Variants in GPC5 observed in about 807,000 individuals in gnomAD.
GPC5 encodes glypican 5.
In GPC5, 47 loss-of-function variants were observed where a neutral mutation model predicts 53.9. That is an observed-to-expected ratio of 0.87 (90% CI 0.69 to 1.11). GPC5 has a LOEUF of 1.11. Ranked by LOEUF, GPC5 falls within the 50% of genes most tolerant of loss-of-function variation. The pLI is 0.00. For synonymous variants in GPC5, 286 were observed against 263.3 expected (o/e 1.09, Z -0.84); for missense variants, 748 against 713.1 (o/e 1.05, Z -0.56).
At chr13:91,570,864 T>G (rs1037227316) in intron 2 of GPC5, among the ~76,000 whole-genome samples, 2 of 152,194 alleles carry the variant, frequency 1.3e-5, no homozygotes, top group Non-Finnish European at 2.9e-5. Context: ...CTCAGAATTT[T>G]GGGAAAGTCA....
intron 6 of GPC5, among the ~76,000 whole-genome samples, chr13:91,955,326 T>C (rs571180176): frequency 6.6e-6 from 1 of 152,318 alleles, no homozygotes; most frequent in East Asian, 1.9e-4. Context: ...ATAGTAATAC[T>C]TATTATAAAG....
chr13:91,845,199 ATTTTTG>A (rs571047041), intron 5 of GPC5, among the ~76,000 whole-genome samples: 4,174 of 131,102 alleles, frequency 0.032, 196 homozygotes, highest in African/African-American at 0.098. Flanking sequence ...TTATGTTTCT[ATTTTTG>A]TTTTAAGTAT....
At chr13:92,812,926 CTAAA>C (rs1357072937) in intron 7 of GPC5, among the ~76,000 whole-genome samples, 2 of 151,948 alleles carry the variant, frequency 1.3e-5, no homozygotes, top group African/African-American at 2.4e-5. Context: ...CAGAACTTCT[CTAAA>C]TAATTTATTT....
intron 1 of GPC5, among the ~76,000 whole-genome samples, chr13:91,418,468 A>C (rs1045374753): frequency 2.0e-5 from 3 of 152,176 alleles, no homozygotes; most frequent in African/African-American, 7.2e-5. Flanking sequence ...GCGAATTCAG[A>C]CTACCCTTTC....
chr13:92,282,092 T>C (rs1163368810), intron 7 of GPC5, among the ~76,000 whole-genome samples: 1 of 152,204 alleles, frequency 6.6e-6, no homozygotes, highest in African/African-American at 2.4e-5. Flanking sequence ...GAGAACTATG[T>C]GACGAATGCA....
At chr13:92,196,226 A>G (rs965689890) in intron 7 of GPC5, among the ~76,000 whole-genome samples, 2 of 152,188 alleles carry the variant, frequency 1.3e-5, no homozygotes, top group African/African-American at 4.8e-5. Context: ...AAATAGTTTG[A>G]AAACTTTGAA....
intron 6 of GPC5, among the ~76,000 whole-genome samples, chr13:92,043,267 T>C (rs1566409439): frequency 6.6e-6 from 1 of 152,160 alleles, no homozygotes; most frequent in African/African-American, 2.4e-5. Context: ...CCCTTGGGAA[T>C]TGTAAATTTC....
At chr13:91,442,165 C>T (rs1880487049) in intron 1 of GPC5, among the ~76,000 whole-genome samples, 1 of 152,150 alleles carries the variant, frequency 6.6e-6, no homozygotes, top group South Asian at 2.1e-4. Context: ...TTTGAACACC[C>T]TTGTAACTAC....
rs201056974 is a variant in GPC5 at position 92,492,280 on chromosome 13, C to CT, written c.1561+347300dup. On this transcript the variant is annotated intron_variant, in intron 7 of 7. Transcript: ENST00000377067. ...AGTAACACATTAATTTTCTTTTTTT[C>CT]TTTTTTTTTAACAATGAGAACACTT... Among the ~76,000 whole-genome samples the CT allele has an allele frequency of 5.3e-3, 793 of 148,816 alleles. 7 individuals carry two copies. The highest frequency in any genetic ancestry group is 0.017 in the African/African-American group (705 of 40,612).
chr13:92,455,116 G>A (rs1282545127), intron 7 of GPC5, among the ~76,000 whole-genome samples: 1 of 152,112 alleles, frequency 6.6e-6, no homozygotes, highest in African/African-American at 2.4e-5. Flanking sequence ...CAGGAAGTAG[G>A]CTGCAATGTT....
intron 7 of GPC5, among the ~76,000 whole-genome samples, chr13:92,649,594 G>A (rs1391289652): frequency 6.6e-6 from 1 of 151,996 alleles, no homozygotes; most frequent in Admixed American, 6.6e-5. Context: ...AATTACAAGG[G>A]ATAACAAAAT....
At chr13:92,852,927 C>A (rs1213438055) in intron 7 of GPC5, among the ~76,000 whole-genome samples, 4 of 152,168 alleles carry the variant, frequency 2.6e-5, no homozygotes, top group African/African-American at 9.7e-5. Flanking sequence ...CCTACCTTAT[C>A]CTGGCTGACA....
intron 7 of GPC5, among the ~76,000 whole-genome samples, chr13:92,176,149 C>T (rs1025547970): frequency 6.6e-6 from 1 of 152,208 alleles, no homozygotes; most frequent in African/African-American, 2.4e-5. Context: ...TTACTGTCCA[C>T]AACCCCAGAA....
At chr13:91,669,311 G>T (rs1048274472) in intron 2 of GPC5, among the ~76,000 whole-genome samples, 1 of 152,172 alleles carries the variant, frequency 6.6e-6, no homozygotes, top group African/African-American at 2.4e-5. Flanking sequence ...AATTCTGAAT[G>T]AATTAACAGT....
chr13:91,556,073 T>C (rs1384726297), intron 2 of GPC5, among the ~76,000 whole-genome samples: 2 of 84,300 alleles, frequency 2.4e-5, no homozygotes, highest in African/African-American at 1.4e-4. Context: ...GCCATACCCC[T>C]ATCCCTTCCA....
At chr13:91,478,795 T>TTATATACATATA (rs1555312530) in intron 2 of GPC5, among the ~76,000 whole-genome samples, 4 of 55,394 alleles carry the variant, frequency 7.2e-5, no homozygotes, top group Non-Finnish European at 1.3e-4. Context: ...CCATTTGAGT[T>TTATATACATATA]TATATATATA....
At chr13:92,242,915 T>G (rs943493916) in intron 7 of GPC5, among the ~76,000 whole-genome samples, 1 of 152,208 alleles carries the variant, frequency 6.6e-6, no homozygotes, top group Non-Finnish European at 1.5e-5. Flanking sequence ...AATTTCTTAC[T>G]ATTATACATT....
intron 7 of GPC5, among the ~76,000 whole-genome samples, chr13:92,862,593 TG>T (rs1337456409): frequency 1.3e-5 from 2 of 151,650 alleles, no homozygotes; most frequent in Non-Finnish European, 2.9e-5. Context: ...TCAAGAAATC[TG>T]GTGTCAGATA....
chr13:91,482,223 G>A (rs565613189), intron 2 of GPC5, among the ~76,000 whole-genome samples: 1 of 152,228 alleles, frequency 6.6e-6, no homozygotes, highest in South Asian at 2.1e-4. Flanking sequence ...TTGTAGGAGT[G>A]GATTTGCTCT....
Sources: allele counts gnomAD v4.1 joint callset (sites outside exome capture counted in the v4.1 genomes callset), GRCh38; gene constraint gnomAD v4.1.1; transcripts MANE v1.5; gene names NCBI Gene and HGNC (gene_info 2026-07-23, HGNC 2026-07-21).